Variants in FAT1 observed in about 807,000 individuals in gnomAD.
FAT1 encodes protocadherin Fat 1.
A neutral mutation model predicts 329.8 loss-of-function variants in FAT1; 171 were observed. That is an observed-to-expected ratio of 0.52 (90% CI 0.46 to 0.59). FAT1 has a LOEUF of 0.59. FAT1 is among the 20% of genes least tolerant of loss of function. The pLI, the probability that FAT1 is intolerant of heterozygous loss-of-function variation, is 0.00. For synonymous variants in FAT1, 2,233 were observed against 2,228.6 expected (o/e 1.00, Z -0.06); for missense variants, 5,672 against 5,774.4 (o/e 0.98, Z 0.57).
At chr4:186,590,549 T>C (rs1197077628) in intron 26 of FAT1, 1 of 474,236 alleles carries the variant, frequency 2.1e-6, no homozygotes, top group Non-Finnish European at 4.1e-6. Flanking sequence ...CCAGTATCTA[T>C]GACAATTCCA....
intron 26 of FAT1, 133 bp downstream of exon 26, chr4:186,595,556 T>C (rs933865960): frequency 1.0e-6 from 1 of 959,806 alleles, no homozygotes; most frequent in African/African-American, 1.6e-5. Context: ...ATGTATGGTA[T>C]TGTTTAAAAG....
At position 186,673,791 on chromosome 4, in the gene FAT1, C is replaced by T. The variant is rs574229061; in HGVS notation, c.3266-10178G>A. Among the ~76,000 whole-genome samples the T allele has an allele frequency of 3.8e-4, 58 of 152,282 alleles. No homozygotes were observed. In the Middle Eastern group the frequency reaches 0.01, roughly 27 times the overall value. ...TTCTTTAGCTCTGCAAAGAGTCATTCCCAGGGTAAGCTCTGCTAAACCATG... is the reference window on the plus strand; with the variant it reads ...TTCTTTAGCTCTGCAAAGAGTCATTTCCAGGGTAAGCTCTGCTAAACCATG... On this transcript the variant is annotated intron_variant, in intron 2 of 26. Coordinates refer to ENST00000441802, the MANE Select transcript of FAT1 (RefSeq NM_005245.4).
At chr4:186,595,214 G>A (rs1346431763) in intron 26 of FAT1, among the ~76,000 whole-genome samples, 1 of 152,114 alleles carries the variant, frequency 6.6e-6, no homozygotes, top group East Asian at 1.9e-4. Flanking sequence ...TGGGGTTGGG[G>A]GAGGAGACAA....
chr4:186,707,430 G>C lies in FAT1; in HGVS notation c.2398C>G (p.Pro800Ala), dbSNP rs2126688450. Residue 800 changes from proline (P) to alanine (A), a missense_variant, in exon 2 of 27, where the codon CCC (proline) becomes GCC (alanine). This residue lies in a region of FAT1 where 3,966 missense variants were observed against 3,915.2 expected (regional missense o/e 1.01). Transcript: ENST00000441802. ...LNITVYDLGIPQKAAWRLLHV... is the reference protein window; with the variant it reads ...LNITVYDLGIAQKAAWRLLHV... Reference sequence around the variant, plus strand: ...AGAAGACGCCACGCAGCCTTCTGGGGTATCCCAAGGTCATAGACGGTAATA... The same window carrying C: ...AGAAGACGCCACGCAGCCTTCTGGGCTATCCCAAGGTCATAGACGGTAATA... 12 of 1,613,988 alleles carry C rather than the reference G, an allele frequency of 7.4e-6. No homozygotes were observed. The highest frequency in any genetic ancestry group is 1.0e-5 in the Non-Finnish European group (12 of 1,179,896).
intron 1 of FAT1, among the ~76,000 whole-genome samples, chr4:186,722,678 C>A (rs147075759): frequency 6.6e-6 from 1 of 152,334 alleles, no homozygotes; most frequent in East Asian, 1.9e-4. Context: ...CTAGTTCTCA[C>A]ACACAGATAC....
chr4:186,625,967 G>A (rs535048659), intron 9 of FAT1, among the ~76,000 whole-genome samples: 1 of 145,678 alleles, frequency 6.9e-6, no homozygotes, highest in African/African-American at 2.6e-5. Flanking sequence ...AATGAATGAG[G>A]GACCAACATG....
rs1008605139 is a variant in FAT1, at chr4:186,706,104, T to A, written c.3265+459A>T. Among the ~76,000 whole-genome samples the A allele has an allele frequency of 4.6e-5, 7 of 152,260 alleles. No individual in the cohort carries two copies. In the South Asian group the frequency reaches 1.5e-3, roughly 32 times the overall value. On this transcript the variant is annotated intron_variant, in intron 2 of 26. Coordinates refer to ENST00000441802, the MANE Select transcript of FAT1 (RefSeq NM_005245.4). Reference sequence around the variant, plus strand: ...ATTAGAGAAGTTTTGGCACATCATCTCTGCACTGGGTAACTTTGCCGGTGT... The same window carrying A: ...ATTAGAGAAGTTTTGGCACATCATCACTGCACTGGGTAACTTTGCCGGTGT...
In FAT1 at chr4:186,603,935, T is replaced by C. The variant is rs760841712; in HGVS notation, c.10591A>G (p.Ile3531Val). 5.4e-5 allele frequency: 87 copies of C among 1,613,796 alleles called. No homozygotes were observed. Among genetic ancestry groups the C allele is most frequent in the Non-Finnish European group, 6.9e-5 (81 of 1,179,808 alleles). ...CTCTCCTCAATTACCCTAATGTCAA[T>C]GTATGTCAAAGATGACAACTGAGGC... ...GKPQLSSLTYIDIRVIEESIY... is the reference protein window; with the variant it reads ...GKPQLSSLTYVDIRVIEESIY... The change falls in exon 19 of 27, where the codon ATT becomes GTT. Residue 3531 changes from isoleucine to valine, a missense_variant. Ile to Val is a conservative substitution (Grantham distance 29, BLOSUM62 3). Coordinates refer to ENST00000441802, the MANE Select transcript of FAT1 (RefSeq NM_005245.4).
rs140935307 is a variant in FAT1, at chr4:186,707,665, C to A, written c.2163G>T (p.Pro721=). The change falls in exon 2 of 27, where the codon CCG becomes CCT. Residue 721 remains proline (P), a synonymous_variant. Transcript: ENST00000441802. ...GGTTTTCCTTTACCTGAATACCAGTCGGAAGAGTGCTTCTAAACTGCGGTA... is the reference window on the plus strand; with the variant it reads ...GGTTTTCCTTTACCTGAATACCAGTAGGAAGAGTGCTTCTAAACTGCGGTA... ...AHIPQFRSTL[P]TGIQVKENQP... 6.2e-7 allele frequency: 1 copy of A among 1,613,940 alleles called. No individual in the cohort carries two copies. Among genetic ancestry groups the A allele is most frequent in the Non-Finnish European group, 8.5e-7 (1 of 1,179,886 alleles).
In FAT1 at chr4:186,614,190, C is replaced by T; in HGVS notation, c.9229+1G>A. On this transcript the variant is annotated splice_donor_variant, in intron 12 of 26. Transcript: ENST00000441802. LOFTEE classifies it high-confidence loss of function. ...TATTTTGTCCCAAACTCCATCATTA[C>T]CTGTGTCTGGATTTAGTTTGAATTT... The T allele has an allele frequency of 6.3e-7, 1 of 1,594,718 alleles. No homozygotes were observed.
intron 1 of FAT1, among the ~76,000 whole-genome samples, chr4:186,715,558 T>A (rs963579470): frequency 2.0e-5 from 3 of 152,234 alleles, no homozygotes; most frequent in Non-Finnish European, 4.4e-5. Context: ...AAACAATGGC[T>A]GTGGCTCTCA....
At chr4:186,630,515 A>G (rs767861131) in intron 7 of FAT1, among the ~76,000 whole-genome samples, 3 of 152,194 alleles carry the variant, frequency 2.0e-5, no homozygotes, top group Non-Finnish European at 4.4e-5. Flanking sequence ...CGCTTCCAAC[A>G]TGAGTGGCAG....
chr4:186,642,503 T>C (rs1030788579), intron 3 of FAT1, among the ~76,000 whole-genome samples: 3 of 152,190 alleles, frequency 2.0e-5, no homozygotes, highest in Admixed American at 1.3e-4. Flanking sequence ...ATTAAAAATA[T>C]GTGCTAGAGT....
intron 2 of FAT1, among the ~76,000 whole-genome samples, chr4:186,704,601 A>G (rs900724999): frequency 2.3e-4 from 35 of 152,208 alleles, no homozygotes; most frequent in African/African-American, 8.0e-4. Context: ...AGAAGGAAAA[A>G]AAGTAGGAAT....
At chr4:186,623,030 T>TA (rs1740122683) in intron 9 of FAT1, among the ~76,000 whole-genome samples, 1 of 152,256 alleles carries the variant, frequency 6.6e-6, no homozygotes, top group Non-Finnish European at 1.5e-5. Flanking sequence ...ACACTTCCTC[T>TA]ACAGTCTTCA....
chr4:186,596,395 C>CA lies in FAT1; in HGVS notation c.13000+144dup. The stretch of plus-strand genomic sequence containing the variant: ...ATGCTAACCCAGCAATCGGGACATC[C>CA]AAAAAAGTTTCAAATCATCATACGG... On this transcript the variant is annotated intron_variant, in intron 25 of 26. Coordinates refer to ENST00000441802, the MANE Select transcript of FAT1 (RefSeq NM_005245.4). The surrounding 1 kb of genome is among the most constrained non-coding windows in gnomAD (Gnocchi z 4.7). 10 of 861,092 alleles carry CA rather than the reference C, an allele frequency of 1.2e-5. No homozygotes were observed. 53.3% of individuals were successfully genotyped at this position (861,092 alleles called of 1,614,324 possible).
Position 186,715,330 on chromosome 4 carries a change from G to A in FAT1, c.-18-5485C>T, listed in dbSNP as rs558049916. 8.6e-5 allele frequency among the ~76,000 whole-genome samples: 13 copies of A among 150,700 alleles called. No individual in the cohort carries two copies. In the South Asian group the frequency reaches 2.6e-3, roughly 30 times the overall value. ...CCACATCCTACTCAGCAGTTCTCACGGGACACAATACAGCTGGGACGGACT... is the reference window on the plus strand; with the variant it reads ...CCACATCCTACTCAGCAGTTCTCACAGGACACAATACAGCTGGGACGGACT... On this transcript the variant is annotated intron_variant, in intron 1 of 26. Coordinates refer to ENST00000441802, the MANE Select transcript of FAT1 (RefSeq NM_005245.4).
intron 2 of FAT1, among the ~76,000 whole-genome samples, chr4:186,679,310 G>A (rs9759551): frequency 3.3e-5 from 5 of 151,700 alleles, no homozygotes; most frequent in Admixed American, 1.3e-4. Flanking sequence ...CCAGCTACTC[G>A]GGAGGCTGAG....
At chr4:186,706,075 C>G (rs1050394538) in intron 2 of FAT1, among the ~76,000 whole-genome samples, 21 of 152,172 alleles carry the variant, frequency 1.4e-4, no homozygotes, top group Admixed American at 1.4e-3. Flanking sequence ...TAAGTGAAGA[C>G]CACATTAGAG....
Sources: allele counts gnomAD v4.1 joint callset (sites outside exome capture counted in the v4.1 genomes callset), GRCh38; gene constraint gnomAD v4.1.1; regional missense constraint gnomAD v4.1.1; non-coding constraint Gnocchi (gnomAD v3.1); transcripts MANE v1.5; gene names NCBI Gene and HGNC (gene_info 2026-07-23, HGNC 2026-07-21).